The following SH3YL1 variants were observed in gnomAD, a reference collection of about 807,000 sequenced individuals.
SH3YL1 encodes the protein SH3 and SYLF domain containing 1.
A neutral mutation model predicts 45.8 loss-of-function variants in SH3YL1; 41 were observed. The observed-to-expected ratio is 0.89, with a 90% confidence interval of 0.70 to 1.16. The LOEUF is 1.16. Ranked by LOEUF, SH3YL1 falls within the 50% of genes most tolerant of loss-of-function variation. SH3YL1 has a pLI of 0.00. For missense variants in SH3YL1, 389 were observed against 409.6 expected (o/e 0.95, Z 0.43); for synonymous variants, 152 against 151.4 (o/e 1.00, Z -0.03).
intron 4 of SH3YL1, among the ~76,000 whole-genome samples, chr2:237,740 C>T (rs1425624118): frequency 2.0e-5 from 3 of 152,038 alleles, no homozygotes; most frequent in Non-Finnish European, 2.9e-5. Flanking sequence ...ATACCCCAAT[C>T]AGACTGATTT....
chr2:227,286 T>A (rs1318802451), intron 8 of SH3YL1, among the ~76,000 whole-genome samples: 1 of 152,148 alleles, frequency 6.6e-6, no homozygotes, highest in African/African-American at 2.4e-5. Context: ...TAAAAATATA[T>A]TATTTGACCT....
chr2:243,803 T>C (rs1368095061), intron 4 of SH3YL1, among the ~76,000 whole-genome samples: 1 of 152,146 alleles, frequency 6.6e-6, no homozygotes, highest in Non-Finnish European at 1.5e-5. Flanking sequence ...TGTGTGATCT[T>C]AGGTAAGACA....
intron 4 of SH3YL1, among the ~76,000 whole-genome samples, chr2:237,052 G>A (rs1308549351): frequency 6.6e-6 from 1 of 152,116 alleles, no homozygotes; most frequent in African/African-American, 2.4e-5. Flanking sequence ...CTTATGCAAA[G>A]TTAAGCATTT....
intron 8 of SH3YL1, among the ~76,000 whole-genome samples, chr2:226,460 G>A (rs571687669): frequency 6.6e-6 from 1 of 152,280 alleles, no homozygotes; most frequent in African/African-American, 2.4e-5. Flanking sequence ...TCACTAATAG[G>A]AATAAATACA....
rs1458379652 is a variant in SH3YL1 at position 224,934 on chromosome 2, GGA to G, written c.782-16_782-15del. ...CATTTCTGTTACCTGCCAAAAAAGA[GGA>G]GAGTGGTGATTTTGAAAACTGATTA... On this transcript the variant is annotated splice_polypyrimidine_tract_variant and intron_variant, in intron 8 of 9. Transcript: ENST00000356150. The G allele has an allele frequency of 6.2e-7, 1 of 1,605,882 alleles. No homozygotes were observed. Among genetic ancestry groups the G allele is most frequent in the Non-Finnish European group, 8.5e-7 (1 of 1,172,616 alleles).
Position 262,250 on chromosome 2 carries a change from C to T in SH3YL1, c.1+1734G>A, listed in dbSNP as rs115871557. The T allele has an allele frequency of 6.8e-3, 1,077 of 159,344 alleles. 14 individuals are homozygous for T. Among genetic ancestry groups the T allele is most frequent in the African/African-American group, 0.024 (1,008 of 41,626 alleles). 9.9% of individuals were successfully genotyped at this position (159,344 alleles called of 1,614,324 possible). ...CTTCCTTTGTTTTAAGGACACAAAG[C>T]TTGTCAGTTCTCAAAATAAAAACCT... On this transcript the variant is annotated intron_variant, in intron 1 of 9. Coordinates refer to ENST00000356150, the MANE Select transcript of SH3YL1 (RefSeq NM_015677.4).
At chr2:262,613 T>C in intron 1 of SH3YL1, 1 of 1,304,276 alleles carries the variant, frequency 7.7e-7, no homozygotes, top group Non-Finnish European at 1.0e-6. Context: ...AATTTTGTCT[T>C]ATCATGACGC....
intron 5 of SH3YL1, 65 bp downstream of exon 5, chr2:234,095 T>C (rs1668176670): frequency 8.5e-7 from 1 of 1,171,962 alleles, no homozygotes; most frequent in Non-Finnish European, 1.2e-6. Context: ...AAGTTTCCTA[T>C]TAATGCAAAA....
intron 1 of SH3YL1, chr2:262,553 T>C (rs7596678): frequency 0.67 from 873,547 of 1,300,806 alleles, 296,129 homozygotes; most frequent in East Asian, 0.82. Flanking sequence ...TGGGATCTTC[T>C]CAGAGAAAAT....
intron 9 of SH3YL1, among the ~76,000 whole-genome samples, chr2:223,321 A>T (rs1473066330): frequency 6.6e-6 from 1 of 152,144 alleles, no homozygotes; most frequent in Admixed American, 6.5e-5. Context: ...CTAGTTCCCA[A>T]TGTCACATTA....
intron 8 of SH3YL1, among the ~76,000 whole-genome samples, chr2:227,197 G>A (rs1667819687): frequency 6.6e-6 from 1 of 152,086 alleles, no homozygotes; most frequent in Non-Finnish European, 1.5e-5. Flanking sequence ...GCTGGTGAAT[G>A]TTACGGTGGG....
chr2:225,122 T>A (rs1206348264), intron 8 of SH3YL1, among the ~76,000 whole-genome samples: 2 of 152,222 alleles, frequency 1.3e-5, no homozygotes, highest in Non-Finnish European at 2.9e-5. Flanking sequence ...AGGTAGATGA[T>A]AAATACCTGA....
chr2:230,343 A>C (rs749114853), intron 7 of SH3YL1: 47 of 224,558 alleles, frequency 2.1e-4, no homozygotes, highest in Non-Finnish European at 4.3e-5. Flanking sequence ...TAATTGGTTT[A>C]GCAAGCAACT....
chr2:238,831 C>CT (rs1047024966), intron 4 of SH3YL1, among the ~76,000 whole-genome samples: 2 of 152,186 alleles, frequency 1.3e-5, no homozygotes, highest in Non-Finnish European at 2.9e-5. Flanking sequence ...AAACTTCCCC[C>CT]TCCCCCAAAT....
intron 1 of SH3YL1, among the ~76,000 whole-genome samples, chr2:258,974 G>C (rs1322629449): frequency 1.3e-5 from 2 of 152,148 alleles, no homozygotes; most frequent in African/African-American, 2.4e-5. Flanking sequence ...GCAAATTCCA[G>C]TTACCTCAGC....
chr2:242,887 C>CA (rs1236800446), intron 4 of SH3YL1: 5 of 1,445,554 alleles, frequency 3.5e-6, no homozygotes, highest in Non-Finnish European at 3.7e-6. Flanking sequence ...TATCAAACAA[C>CA]AAAAAATGTA....
At chr2:231,479 T>C (rs545111138) in intron 6 of SH3YL1, among the ~76,000 whole-genome samples, 1 of 152,154 alleles carries the variant, frequency 6.6e-6, no homozygotes, top group East Asian at 1.9e-4. Context: ...TACTTGCCCA[T>C]ATATATACAT....
chr2:262,172 T>C (rs1370988185), intron 1 of SH3YL1: 3 of 155,416 alleles, frequency 1.9e-5, no homozygotes, highest in Non-Finnish European at 4.3e-5. Context: ...TTGACAACTA[T>C]GGCCTTTGTT....
At chr2:249,161 T>C (rs1668964077) in intron 3 of SH3YL1, among the ~76,000 whole-genome samples, 1 of 152,220 alleles carries the variant, frequency 6.6e-6, no homozygotes, top group Admixed American at 6.5e-5. Context: ...CTATAAATGT[T>C]AGTACTTGGG....
Sources: gnomAD v4.1 joint callset for allele counts (sites outside exome capture counted in the v4.1 genomes callset) on GRCh38, gnomAD v4.1.1 for gene constraint, MANE v1.5 for transcripts, NCBI Gene and HGNC (gene_info 2026-07-23, HGNC 2026-07-21) for gene names.